The following ZNF385D variants were observed in gnomAD, a reference collection of about 807,000 sequenced individuals.
ZNF385D encodes the protein zinc finger protein 385D, also known as zinc finger protein 659.
A neutral mutation model predicts 35.8 loss-of-function variants in ZNF385D; 15 were observed. The ratio of observed to expected loss-of-function variants is 0.42; its 90% CI spans 0.28 to 0.64. ZNF385D has a LOEUF of 0.64. Ranked by LOEUF, ZNF385D falls within the 30% of genes least tolerant of loss-of-function variation. The pLI, the probability that ZNF385D is intolerant of heterozygous loss-of-function variation, is 0.23. For missense variants in ZNF385D, 474 were observed against 494.6 expected, an observed-to-expected ratio of 0.96 and a Z score of 0.39; for synonymous variants, 212 against 186.8, an observed-to-expected ratio of 1.13 and a Z score of -1.10.
At chr3:21,704,080 G>A (rs6795798) in intron 1 of ZNF385D, among the ~76,000 whole-genome samples, 61,770 of 151,886 alleles carry the variant, frequency 0.41, 13,732 homozygotes, top group Middle Eastern at 0.53. Context: ...CAAGTTAAAA[G>A]CAATGCTCAA....
chr3:21,914,198 A>T (rs749847670), intron 3 of ZNF385D, among the ~76,000 whole-genome samples: 1 of 152,100 alleles, frequency 6.6e-6, no homozygotes, highest in Admixed American at 6.6e-5. Context: ...AAACTAGCAG[A>T]CTAATTCAAG....
At chr3:21,981,630 C>T (rs1315473010) in intron 3 of ZNF385D, among the ~76,000 whole-genome samples, 1 of 152,112 alleles carries the variant, frequency 6.6e-6, no homozygotes, top group Non-Finnish European at 1.5e-5. Context: ...GTCATAAAAT[C>T]TTTGCCTGTT....
intron 2 of ZNF385D, among the ~76,000 whole-genome samples, chr3:22,225,910 G>T (rs1042552949): frequency 4.6e-5 from 7 of 152,108 alleles, no homozygotes; most frequent in Non-Finnish European, 1.0e-4. Context: ...AGGTCAAATT[G>T]TTGTGCACGT....
At chr3:21,824,026 G>T (rs1174335616) in intron 3 of ZNF385D, among the ~76,000 whole-genome samples, 1 of 152,172 alleles carries the variant, frequency 6.6e-6, no homozygotes, top group Non-Finnish European at 1.5e-5. Context: ...TTTGGGTATA[G>T]ACTGAGCATT....
chr3:22,009,057 A>G (rs2125432070), intron 3 of ZNF385D, among the ~76,000 whole-genome samples: 1 of 152,330 alleles, frequency 6.6e-6, no homozygotes, highest in South Asian at 2.1e-4. Flanking sequence ...CAAGGGAGGA[A>G]CTATACACAG....
rs533130236 is a variant in ZNF385D, at chr3:21,701,846, C to G, written c.23-36818G>C. On this transcript the variant is annotated intron_variant, in intron 1 of 7. Coordinates refer to ENST00000281523, the MANE Select transcript of ZNF385D (RefSeq NM_024697.3). ...ATAGCTCCAAAATAATCTCCTTTGA[C>G]TCCAGGTCTCACATCCAGGTCACAC... Among the ~76,000 whole-genome samples the G allele has an allele frequency of 3.3e-5, 5 of 152,266 alleles. No homozygotes were observed. The East Asian group carries it at 9.7e-4, about 30-fold the overall frequency.
intron 2 of ZNF385D, among the ~76,000 whole-genome samples, chr3:21,639,309 C>A (rs899265352): frequency 2.0e-5 from 3 of 151,866 alleles, no homozygotes; most frequent in African/African-American, 7.3e-5. Context: ...GGCATGAAAG[C>A]AAGAATGTTT....
intron 4 of ZNF385D, among the ~76,000 whole-genome samples, chr3:21,445,897 T>C (rs555600210): frequency 6.6e-6 from 1 of 152,330 alleles, no homozygotes; most frequent in South Asian, 2.1e-4. Flanking sequence ...TTTCAAATAA[T>C]ATTTATTTCA....
At chr3:21,932,035 C>T (rs1210930523) in intron 3 of ZNF385D, among the ~76,000 whole-genome samples, 5 of 151,772 alleles carry the variant, frequency 3.3e-5, no homozygotes, top group South Asian at 2.1e-4. Context: ...GGAGCGGTGG[C>T]GGGCACCTGT....
chr3:22,244,560 G>T (rs369206998), intron 2 of ZNF385D, among the ~76,000 whole-genome samples: 9 of 150,800 alleles, frequency 6.0e-5, no homozygotes, highest in African/African-American at 2.2e-4. Flanking sequence ...GAGATGCTTA[G>T]AATGATTAAT....
chr3:21,674,899 G>GATGT (rs552192748), intron 1 of ZNF385D, among the ~76,000 whole-genome samples: 100 of 137,454 alleles, frequency 7.3e-4, no homozygotes, highest in Non-Finnish European at 7.4e-4. Flanking sequence ...TTTAGAAATG[G>GATGT]ATGGATGGAT....
chr3:21,970,698 T>C (rs1488250973), intron 3 of ZNF385D, among the ~76,000 whole-genome samples: 1 of 151,910 alleles, frequency 6.6e-6, no homozygotes, highest in African/African-American at 2.4e-5. Flanking sequence ...AACATCAATA[T>C]CTAAGTACAA....
At chr3:22,086,013 T>C (rs1344629730) in intron 3 of ZNF385D, among the ~76,000 whole-genome samples, 1 of 152,196 alleles carries the variant, frequency 6.6e-6, no homozygotes, top group Non-Finnish European at 1.5e-5. Flanking sequence ...CACTTCATGC[T>C]AAAAACTCTC....
At chr3:22,291,415 G>A (rs970825733) in intron 2 of ZNF385D, among the ~76,000 whole-genome samples, 6 of 151,806 alleles carry the variant, frequency 4.0e-5, no homozygotes, top group Non-Finnish European at 8.8e-5. Context: ...TTATTTCAAG[G>A]TACATTAATT....
At chr3:21,754,598 G>A (rs1330648919), upstream of ZNF385D, among the ~76,000 whole-genome samples, 1 of 152,050 alleles carries the variant, frequency 6.6e-6, no homozygotes, top group East Asian at 1.9e-4. Context: ...GTTTATCAGT[G>A]TACTAATTCA....
intron 3 of ZNF385D, among the ~76,000 whole-genome samples, chr3:21,894,222 ATTAAAG>A (rs1483396763): frequency 2.6e-5 from 4 of 152,210 alleles, no homozygotes; most frequent in African/African-American, 4.8e-5. Context: ...CTCTATAATA[ATTAAAG>A]TTAAACAAAT....
intron 3 of ZNF385D, among the ~76,000 whole-genome samples, chr3:21,919,600 A>T (rs759309341): frequency 6.6e-6 from 1 of 152,234 alleles, no homozygotes; most frequent in Non-Finnish European, 1.5e-5. Context: ...CATGATTCAC[A>T]TGCATATTAA....
At chr3:21,831,386 C>T (rs1694976355) in intron 3 of ZNF385D, among the ~76,000 whole-genome samples, 1 of 152,084 alleles carries the variant, frequency 6.6e-6, no homozygotes, top group Admixed American at 6.6e-5. Context: ...AGTATTATTT[C>T]TTTTCTATTT....
At chr3:21,824,388 A>C (rs148830008) in intron 3 of ZNF385D, among the ~76,000 whole-genome samples, 30 of 152,344 alleles carry the variant, frequency 2.0e-4, no homozygotes, top group African/African-American at 6.7e-4. Flanking sequence ...ATGCATACCT[A>C]TAAAATCACT....
Sources: gnomAD v4.1 joint callset for allele counts (sites outside exome capture counted in the v4.1 genomes callset) on GRCh38, gnomAD v4.1.1 for gene constraint, MANE v1.5 for transcripts, NCBI Gene and HGNC (gene_info 2026-07-23, HGNC 2026-07-21) for gene names.